DMRT1: variants seen among roughly 807,000 people sequenced by gnomAD.
The protein encoded by DMRT1 is doublesex and mab-3 related transcription factor 1.
A neutral mutation model predicts 32.3 loss-of-function variants in DMRT1; 7 were observed. The ratio of observed to expected loss-of-function variants is 0.22; its 90% CI spans 0.12 to 0.41. DMRT1 has a LOEUF of 0.41. Ranked by LOEUF, DMRT1 falls within the 10% of genes least tolerant of loss-of-function variation. DMRT1 has a pLI of 1.00. For synonymous variants in DMRT1, 278 were observed against 206.1 expected (o/e 1.35, Z -2.99); for missense variants, 625 against 500.5 (o/e 1.25, Z -2.37).
chr9:844,644 A>T (rs914434234), intron 1 of DMRT1, among the ~76,000 whole-genome samples: 1 of 151,844 alleles, frequency 6.6e-6, no homozygotes, highest in Non-Finnish European at 1.5e-5. Context: ...CTTCCCAATT[A>T]ATCAGCTTCC....
rs1817260203 is a variant in DMRT1 at position 894,142 on chromosome 9, C to G, written c.769C>G (p.Leu257Val). Residue 257 changes from leucine to valine, a missense_variant, in exon 3 of 5, where the codon CTT becomes GTT. Leu to Val is a conservative substitution (Grantham distance 32, BLOSUM62 1). Around this residue, in one of 3 missense-constraint regions of DMRT1, gnomAD observed 416 missense variants for 321.6 expected, o/e 1.29. Coordinates refer to ENST00000382276, the MANE Select transcript of DMRT1 (RefSeq NM_021951.3). ...CGGGGGATCCCCTGTGAAGAACAGC[C>G]TTCGGGGCCTCCCCGGACCTTATGT... Reference protein sequence around the residue: ...PLGGSPVKNSLRGLPGPYVPG... With the variant: ...PLGGSPVKNSVRGLPGPYVPG... 1 of 1,614,174 alleles carries G rather than the reference C, an allele frequency of 6.2e-7. No individual in the cohort carries two copies. The highest frequency in any genetic ancestry group is 1.1e-5 in the South Asian group (1 of 91,086).
At chr9:917,054 G>C in intron 4 of DMRT1, 147 bp downstream of exon 4, 1 of 905,708 alleles carries the variant, frequency 1.1e-6, no homozygotes, top group African/African-American at 1.6e-5. Flanking sequence ...ATCCTTTAAA[G>C]AATTTAGTTA....
rs1280954445 is a variant in DMRT1 at position 842,023 on chromosome 9, A to C, written c.185A>C (p.Asp62Ala). 1 of 1,549,454 alleles carries C rather than the reference A, an allele frequency of 6.5e-7. No individual in the cohort carries two copies. The highest frequency in any genetic ancestry group is 1.2e-5 in the South Asian group (1 of 84,918). The change falls in exon 1 of 5, where the codon GAC becomes GCC. Residue 62 changes from aspartate to alanine, a missense_variant. By Grantham distance (126) the Asp-to-Ala change is moderately radical. This residue lies in a region of DMRT1 where 201 missense variants were observed against 152.0 expected (regional missense o/e 1.32). Coordinates refer to ENST00000382276, the MANE Select transcript of DMRT1 (RefSeq NM_021951.3). ...GGCGGCTCCGGCTCCGGGGCGTCGGACCTGGGTGCCGGGAGCAAGAAGTCC... is the reference window on the plus strand; with the variant it reads ...GGCGGCTCCGGCTCCGGGGCGTCGGCCCTGGGTGCCGGGAGCAAGAAGTCC... ...RGGGSGSGAS[D>A]LGAGSKKSPR...
intron 3 of DMRT1, among the ~76,000 whole-genome samples, chr9:896,692 A>C (rs1304503449): frequency 6.6e-6 from 1 of 151,970 alleles, no homozygotes; most frequent in Non-Finnish European, 1.5e-5. Context: ...GCACGCCTGT[A>C]ATTCCAGCTA....
At chr9:917,977 T>G (rs1479138561) in intron 4 of DMRT1, among the ~76,000 whole-genome samples, 1 of 152,252 alleles carries the variant, frequency 6.6e-6, no homozygotes, top group African/African-American at 2.4e-5. Flanking sequence ...CACAACTCTG[T>G]TTTATAAGTA....
chr9:883,023 C>T (rs867145342), intron 2 of DMRT1, among the ~76,000 whole-genome samples: 3 of 151,906 alleles, frequency 2.0e-5, no homozygotes, highest in Admixed American at 6.6e-5. Flanking sequence ...CCTCCCGCCT[C>T]GGCCTCTCAA....
intron 1 of DMRT1, among the ~76,000 whole-genome samples, 175 bp from the exon 2 acceptor site, chr9:846,785 G>A (rs918800205): frequency 2.6e-5 from 4 of 152,162 alleles, no homozygotes; most frequent in Admixed American, 6.6e-5. Flanking sequence ...GCTCAAAACT[G>A]TTTCTCAGCT....
At chr9:918,364 C>T (rs1006556358) in intron 4 of DMRT1, among the ~76,000 whole-genome samples, 9 of 152,134 alleles carry the variant, frequency 5.9e-5, no homozygotes, top group Admixed American at 3.9e-4. Context: ...GAAGCACTGG[C>T]GTTCTTGAGA....
chr9:854,969 A>T (rs1034280037), intron 2 of DMRT1, among the ~76,000 whole-genome samples: 1 of 140,782 alleles, frequency 7.1e-6, no homozygotes, highest in Non-Finnish European at 1.5e-5. Context: ...GGGTTTCACC[A>T]TGTTAGCCAG....
At chr9:906,296 C>T (rs748359222) in intron 3 of DMRT1, among the ~76,000 whole-genome samples, 11 of 152,170 alleles carry the variant, frequency 7.2e-5, no homozygotes, top group Non-Finnish European at 1.5e-4. Flanking sequence ...AATGTGGCCC[C>T]AGACAGCCTC....
chr9:906,520 T>C (rs1205754752), intron 3 of DMRT1, among the ~76,000 whole-genome samples: 1 of 152,190 alleles, frequency 6.6e-6, no homozygotes, highest in Non-Finnish European at 1.5e-5. Flanking sequence ...ATTGTGATGG[T>C]GACATATTGT....
At chr9:890,083 G>GGGTTTTTTTT (rs1273507545) in intron 2 of DMRT1, among the ~76,000 whole-genome samples, 24 of 108,896 alleles carry the variant, frequency 2.2e-4, no homozygotes, top group African/African-American at 3.5e-4. Flanking sequence ...GCCACCAAAC[G>GGGTTTTTTTT]TGTTTTTTTT....
chr9:907,040 C>G (rs899441446), intron 3 of DMRT1, among the ~76,000 whole-genome samples: 9 of 152,062 alleles, frequency 5.9e-5, no homozygotes, highest in Admixed American at 4.6e-4. Flanking sequence ...TTTGGTTAAT[C>G]TTATCGTCAG....
intron 3 of DMRT1, among the ~76,000 whole-genome samples, chr9:906,023 ACACACACC>A (rs200018237): frequency 0.017 from 889 of 50,832 alleles, 8 homozygotes; most frequent in Admixed American, 0.04. Context: ...CTTCTGTGAC[ACACACACC>A]CACACACACA....
intron 2 of DMRT1, among the ~76,000 whole-genome samples, chr9:862,023 C>T (rs1279814994): frequency 5.8e-4 from 88 of 150,532 alleles, no homozygotes; most frequent in African/African-American, 2.0e-3. Context: ...CCAGACTGGG[C>T]GGCCGGGCGG....
intron 2 of DMRT1, among the ~76,000 whole-genome samples, chr9:863,087 G>T (rs966736403): frequency 7.1e-6 from 1 of 141,430 alleles, no homozygotes; most frequent in African/African-American, 2.6e-5. Flanking sequence ...GGCTGAGGCT[G>T]AAGGATTGCT....
chr9:896,221 G>A (rs1009246759), intron 3 of DMRT1, among the ~76,000 whole-genome samples: 9 of 149,452 alleles, frequency 6.0e-5, no homozygotes, highest in African/African-American at 2.2e-4. Context: ...TCAACCATTA[G>A]TATCTTGGTT....
chr9:917,453 A>G (rs1486809819), intron 4 of DMRT1, among the ~76,000 whole-genome samples: 1 of 152,250 alleles, frequency 6.6e-6, no homozygotes, highest in Admixed American at 6.5e-5. Context: ...TTTGAAATAC[A>G]TAGTAACTCG....
chr9:901,099 C>T (rs1398329503), intron 3 of DMRT1, among the ~76,000 whole-genome samples: 1 of 152,104 alleles, frequency 6.6e-6, no homozygotes, highest in Non-Finnish European at 1.5e-5. Flanking sequence ...ACTGTAGCCT[C>T]CACCTCCTGG....
Sources: allele counts gnomAD v4.1 joint callset (sites outside exome capture counted in the v4.1 genomes callset), GRCh38; gene constraint gnomAD v4.1.1; regional missense constraint gnomAD v4.1.1; transcripts MANE v1.5; gene names NCBI Gene and HGNC (gene_info 2026-07-23, HGNC 2026-07-21).